Variants in TENM3 observed in about 807,000 individuals in gnomAD.
TENM3 encodes teneurin-3.
Under a neutral mutation model 255.1 loss-of-function variants are expected in TENM3, and 63 were observed. That is an observed-to-expected ratio of 0.25 (90% CI 0.20 to 0.30). The LOEUF is 0.30. Among genes scored for constraint, TENM3 ranks in the 10% least tolerant of loss-of-function variants. The probability of loss-of-function intolerance (pLI) is 1.00; values close to 1 mark genes in which losing one functional copy is unlikely to be tolerated. For missense variants in TENM3, 2,929 were observed against 3,461.1 expected, an observed-to-expected ratio of 0.85 and a Z score of 3.86; for synonymous variants, 1,306 against 1,322.3, an observed-to-expected ratio of 0.99 and a Z score of 0.27.
the TENM3 span, among the ~76,000 whole-genome samples, chr4:181,876,021 C>T: frequency 6.6e-6 from 1 of 152,214 alleles, no homozygotes. Context: ...TTTAAAGGTA[C>T]AATGTCCTCT....
the TENM3 span, among the ~76,000 whole-genome samples, chr4:181,972,949 T>A: frequency 1.3e-5 from 2 of 152,068 alleles, no homozygotes; most frequent in African/African-American, 4.8e-5. Flanking sequence ...AATCCCTGAC[T>A]GCAGTGGAGG....
chr4:181,522,632 C>T, the TENM3 span: 1 of 552,862 alleles, frequency 1.8e-6, no homozygotes, highest in East Asian at 3.5e-5. Context: ...AGGTCTCCAA[C>T]TATGTTGTAG....
the TENM3 span, among the ~76,000 whole-genome samples, chr4:182,108,065 C>G: frequency 9.9e-5 from 15 of 152,254 alleles, no homozygotes; most frequent in East Asian, 5.8e-4. Context: ...TTTTCACGGG[C>G]TCCGTTCACC....
chr4:182,436,526 C>T (rs192254122), intron 3 of TENM3, among the ~76,000 whole-genome samples: 17 of 152,248 alleles, frequency 1.1e-4, no homozygotes, highest in African/African-American at 1.7e-4. Flanking sequence ...ATTTGTGGAA[C>T]GCCTTATTTC....
intron 20 of TENM3, 28 bp downstream of exon 20, chr4:182,752,060 T>A: frequency 7.6e-7 from 1 of 1,318,958 alleles, no homozygotes; most frequent in Non-Finnish European, 1.0e-6. Flanking sequence ...TTTGAGGATT[T>A]CTTTTTATTT....
At chr4:182,397,856 A>G (rs1768953911) in intron 3 of TENM3, among the ~76,000 whole-genome samples, 1 of 152,168 alleles carries the variant, frequency 6.6e-6, no homozygotes, top group Non-Finnish European at 1.5e-5. Flanking sequence ...TATGAGGACC[A>G]CTGCTCCAAA....
chr4:182,296,819 A>T (rs950838125), intron 1 of TENM3, among the ~76,000 whole-genome samples: 1 of 152,178 alleles, frequency 6.6e-6, no homozygotes, highest in Admixed American at 6.5e-5. Flanking sequence ...CTGATTTTTT[A>T]AAACACAAAT....
chr4:181,750,661 C>G, the TENM3 span, among the ~76,000 whole-genome samples: 48 of 152,278 alleles, frequency 3.2e-4, no homozygotes, highest in African/African-American at 1.1e-3. Context: ...TTGTTCCCCA[C>G]CAAATATCAC....
At chr4:181,853,182 G>C in the TENM3 span, among the ~76,000 whole-genome samples, 1 of 152,158 alleles carries the variant, frequency 6.6e-6, no homozygotes, top group Admixed American at 6.5e-5. Context: ...TTGATTATTT[G>C]ATCTCTAACT....
At chr4:181,704,486 T>A in the TENM3 span, among the ~76,000 whole-genome samples, 1 of 152,168 alleles carries the variant, frequency 6.6e-6, no homozygotes, top group East Asian at 1.9e-4. Context: ...TTCCTCCTCC[T>A]CCCTCCTGTC....
the TENM3 span, among the ~76,000 whole-genome samples, chr4:182,049,693 T>G: frequency 6.6e-6 from 1 of 152,178 alleles, no homozygotes; most frequent in Admixed American, 6.5e-5. Flanking sequence ...TGATTACCGT[T>G]TAAGAGGAAA....
At chr4:182,546,690 C>G (rs147573076) in intron 3 of TENM3, among the ~76,000 whole-genome samples, 3 of 152,212 alleles carry the variant, frequency 2.0e-5, no homozygotes, top group African/African-American at 7.2e-5. Flanking sequence ...CTCCAAGCAA[C>G]TGAAAATAGT....
At chr4:181,730,885 A>G in the TENM3 span, among the ~76,000 whole-genome samples, 3 of 152,178 alleles carry the variant, frequency 2.0e-5, no homozygotes, top group African/African-American at 7.2e-5. Context: ...TTCACAAGAT[A>G]AGATCGGCAA....
intron 27 of TENM3, 91 bp downstream of exon 27, chr4:182,796,858 C>A: frequency 2.0e-6 from 2 of 1,006,994 alleles, no homozygotes; most frequent in Non-Finnish European, 2.8e-6. Context: ...AAAACTGTAC[C>A]AAAGACAGTT....
chr4:182,621,049 C>T lies in TENM3; in HGVS notation c.750-7602C>T, dbSNP rs141417357. 5.1e-3 allele frequency among the ~76,000 whole-genome samples: 770 copies of T among 151,826 alleles called. 37 individuals are homozygous for T. The East Asian group carries it at 0.097, about 19-fold the overall frequency. ...ACAAAAAATTAGCAGGACATGGTGG[C>T]GGGCGCCTGTAGTCCCAGCCACTCG... On this transcript the variant is annotated intron_variant, in intron 4 of 27. Transcript: ENST00000511685.
the TENM3 span, among the ~76,000 whole-genome samples, chr4:181,573,916 G>T: frequency 2.0e-5 from 3 of 152,012 alleles, no homozygotes; most frequent in African/African-American, 2.4e-5. Context: ...AAATTCATGG[G>T]ATTCAGAGAA....
the TENM3 span, among the ~76,000 whole-genome samples, chr4:181,671,838 C>A: frequency 1.3e-5 from 2 of 151,936 alleles, no homozygotes; most frequent in Admixed American, 6.6e-5. Flanking sequence ...CCTTCTGATG[C>A]GCTCCAGTGT....
chr4:182,575,385 G>T (rs1324863663), intron 3 of TENM3, among the ~76,000 whole-genome samples: 2 of 152,170 alleles, frequency 1.3e-5, no homozygotes, highest in Non-Finnish European at 2.9e-5. Context: ...AGAGCCATGA[G>T]GTGGAAACTT....
the TENM3 span, among the ~76,000 whole-genome samples, chr4:181,842,481 A>G: frequency 1.3e-5 from 2 of 152,230 alleles, no homozygotes; most frequent in African/African-American, 4.8e-5. Context: ...TATGAGTTTT[A>G]TAACAATCTC....
Sources: gnomAD v4.1 joint callset for allele counts (sites outside exome capture counted in the v4.1 genomes callset) on GRCh38, gnomAD v4.1.1 for gene constraint, MANE v1.5 for transcripts, NCBI Gene and HGNC (gene_info 2026-07-23, HGNC 2026-07-21) for gene names.